SUSD1: variants seen among roughly 807,000 people sequenced by gnomAD.
SUSD1 encodes the protein sushi domain containing 1, also known as sushi domain-containing protein 1.
Under a neutral mutation model 86.9 loss-of-function variants are expected in SUSD1, and 65 were observed. The ratio of observed to expected loss-of-function variants is 0.75; its 90% confidence interval spans 0.61 to 0.92. The LOEUF (loss-of-function observed/expected upper bound fraction) is 0.92, where lower values mean the gene tolerates loss of function less well. Ranked by LOEUF, SUSD1 falls within the 40% of genes least tolerant of loss-of-function variation. SUSD1 has a pLI of 0.00. For synonymous variants in SUSD1, 346 were observed against 350.0 expected (o/e 0.99, Z 0.13); for missense variants, 850 against 929.7 (o/e 0.91, Z 1.11).
At chr9:112,165,960 A>C (rs1049217800) in intron 1 of SUSD1, among the ~76,000 whole-genome samples, 1 of 150,994 alleles carries the variant, frequency 6.6e-6, no homozygotes, top group African/African-American at 2.4e-5. Flanking sequence ...AAAGAAAGAA[A>C]GAAAGAAAGA....
At chr9:112,060,114 A>G (rs1430960834) in intron 13 of SUSD1, among the ~76,000 whole-genome samples, 1 of 152,100 alleles carries the variant, frequency 6.6e-6, no homozygotes, top group African/African-American at 2.4e-5. Flanking sequence ...TTCACATGTC[A>G]AACGCCCTAT....
chr9:112,062,127 T>C (rs370438572), intron 13 of SUSD1, among the ~76,000 whole-genome samples: 97 of 152,288 alleles, frequency 6.4e-4, no homozygotes, highest in African/African-American at 2.3e-3. Context: ...ACTCAATACA[T>C]GAAAAGACAA....
intron 10 of SUSD1, among the ~76,000 whole-genome samples, chr9:112,092,602 T>G (rs1830246955): frequency 6.6e-6 from 1 of 152,254 alleles, no homozygotes; most frequent in Non-Finnish European, 1.5e-5. Context: ...TTTATGTCTC[T>G]GTTTTTGTTT....
chr9:112,041,956 C>G lies in SUSD1; in HGVS notation c.2154G>C (p.Ser718=). Residue 718 remains serine, a synonymous_variant, in exon 16 of 17, where the codon TCG becomes TCC. Coordinates refer to ENST00000374270, the MANE Select transcript of SUSD1 (RefSeq NM_022486.5). ...CCGCCATCTGCAGCAGCATGAGTGA[C>G]GAATCTGTGGGACAAAACCACAGGC... is the stretch of plus-strand genomic sequence containing the variant. ...SCAVWAQVKD[S]SLMLLQMAGV... 1 of 1,613,788 alleles carries G rather than the reference C, an allele frequency of 6.2e-7. No individual in the cohort carries two copies.
chr9:112,068,802 T>A lies in SUSD1; in HGVS notation c.1754-5769A>T, dbSNP rs141196087. ...AGAAAAAGGGCAAAAATACAGGTTG[T>A]CCAATAATCCAGGTCGGAAGTGCTC... is the stretch of plus-strand genomic sequence containing the variant. On this transcript the variant is annotated intron_variant, in intron 12 of 16. Coordinates refer to ENST00000374270, the MANE Select transcript of SUSD1 (RefSeq NM_022486.5). Among the ~76,000 whole-genome samples the A allele has an allele frequency of 8.3e-3, 1,269 of 152,112 alleles. 45 individuals carry two copies. Among genetic ancestry groups the A allele is most frequent in the East Asian group, 0.015 (79 of 5,182 alleles).
chr9:112,113,013 G>A lies in SUSD1; in HGVS notation c.887-145C>T. On this transcript the variant is annotated intron_variant, in intron 6 of 16. Transcript: ENST00000374270. This position sits in a 1 kb window ranked among gnomAD's most constrained non-coding sequence, Gnocchi z 4.1. ...GCAGACACTGAGTCAGGCAATGCAA[G>A]CTCTCCCAAGCCAATCACCCAACTT... 1 of 610,112 alleles carries A rather than the reference G, an allele frequency of 1.6e-6. No individual in the cohort carries two copies. The highest frequency in any genetic ancestry group is 3.0e-6 in the Non-Finnish European group (1 of 338,952). The allele number at this position is 610,112 out of a possible 1,614,324, so 37.8% of individuals were successfully genotyped here. A position where few individuals can be genotyped will look rare whatever the true frequency, so the allele number is the denominator to read the frequency against.
At chr9:112,115,521 G>A (rs1436004504) in intron 6 of SUSD1, among the ~76,000 whole-genome samples, 1 of 151,890 alleles carries the variant, frequency 6.6e-6, no homozygotes, top group African/African-American at 2.4e-5. Flanking sequence ...TCCAATTGTG[G>A]GCCAAGTGGG....
At chr9:112,162,222 T>C (rs1833602538) in intron 1 of SUSD1, among the ~76,000 whole-genome samples, 1 of 152,228 alleles carries the variant, frequency 6.6e-6, no homozygotes, top group Admixed American at 6.5e-5. Context: ...TAATATATGG[T>C]ACACAATCTG....
rs1564274291 is a variant in SUSD1, at chr9:112,078,570, G to A, written c.1721C>T (p.Pro574Leu). The change falls in exon 12 of 17, where the codon CCT (proline) becomes CTT (leucine). Residue 574 changes from proline to leucine, a missense_variant. Coordinates refer to ENST00000374270, the MANE Select transcript of SUSD1 (RefSeq NM_022486.5). The part of the protein sequence containing the change: ...VSLRALSSEL[P>L]VVISLTTQIT... ...CTGGGTTGTCAGGGAGATGACCACA[G>A]GAAGTTCCGAAGACAGAGCCCGGAG... 1 of 1,613,250 alleles carries A rather than the reference G, an allele frequency of 6.2e-7. No homozygotes were observed. Among genetic ancestry groups the A allele is most frequent in the Admixed American group, 1.7e-5 (1 of 59,982 alleles).
chr9:112,093,014 T>A lies in SUSD1; in HGVS notation c.1474+5456A>T, dbSNP rs1396302350. Among the ~76,000 whole-genome samples, 6 of 152,246 alleles carry A rather than the reference T, an allele frequency of 3.9e-5. No individual in the cohort carries two copies. In the East Asian group the frequency reaches 1.2e-3, roughly 29 times the overall value. ...AAATTTTTCCTTCAAAACAAATGAATTTGAAGGAACCTAAAAGTAATTTAA... is the reference window on the plus strand; with the variant it reads ...AAATTTTTCCTTCAAAACAAATGAAATTGAAGGAACCTAAAAGTAATTTAA... On this transcript the variant is annotated intron_variant, in intron 10 of 16. Transcript: ENST00000374270.
At position 112,054,493 on chromosome 9, in the gene SUSD1, A is replaced by G. The variant is rs145552505; in HGVS notation, c.2110-2055T>C. 7.8e-3 allele frequency among the ~76,000 whole-genome samples: 1,180 copies of G among 152,230 alleles called. 4 individuals carry two copies. The highest frequency in any genetic ancestry group is 0.027 in the Middle Eastern group (8 of 294). On this transcript the variant is annotated intron_variant, in intron 14 of 16. Coordinates refer to ENST00000374270, the MANE Select transcript of SUSD1 (RefSeq NM_022486.5). ...TCCCAGCTACTTGAGAGGCTGAGGC[A>G]GGAGGATCACCTGAGCCCAGGAGGT...
chr9:112,144,214 G>C, intron 3 of SUSD1, among the ~76,000 whole-genome samples: 1 of 151,786 alleles, frequency 6.6e-6, no homozygotes, highest in East Asian at 1.9e-4. Flanking sequence ...CACTCAGCCT[G>C]GGTGACAGAG....
chr9:112,108,443 C>T (rs1004792301), intron 8 of SUSD1, among the ~76,000 whole-genome samples: 4 of 151,378 alleles, frequency 2.6e-5, no homozygotes, highest in Non-Finnish European at 4.4e-5. Context: ...GGCTGTGCAC[C>T]GTGACTCAAG....
intron 1 of SUSD1, among the ~76,000 whole-genome samples, chr9:112,167,258 A>G (rs964911009): frequency 1.3e-5 from 2 of 152,030 alleles, no homozygotes; most frequent in African/African-American, 4.8e-5. Flanking sequence ...CACCATGCCC[A>G]GATAATTTTT....
intron 10 of SUSD1, among the ~76,000 whole-genome samples, chr9:112,097,558 C>T (rs1564290893): frequency 6.6e-6 from 1 of 151,724 alleles, no homozygotes; most frequent in South Asian, 2.1e-4. Context: ...CCACCATGCC[C>T]AGCTAATTTT....
At chr9:112,085,933 AAAAAT>A (rs555274296) in intron 10 of SUSD1, among the ~76,000 whole-genome samples, 174 of 152,274 alleles carry the variant, frequency 1.1e-3, no homozygotes, top group African/African-American at 3.9e-3. Context: ...ACCCTGTCTC[AAAAAT>A]AAAATAAAAT....
chr9:112,063,105 G>A (rs909832777), intron 12 of SUSD1, 72 bp from the exon 13 acceptor site: 14 of 908,500 alleles, frequency 1.5e-5, no homozygotes, highest in Middle Eastern at 2.2e-4. Context: ...AGAGGTCCTC[G>A]TGAGGGCTAT....
At chr9:112,066,144 A>T (rs1828969458) in intron 12 of SUSD1, among the ~76,000 whole-genome samples, 1 of 152,212 alleles carries the variant, frequency 6.6e-6, no homozygotes, top group Non-Finnish European at 1.5e-5. Flanking sequence ...CCAGGCCATG[A>T]CAATGCTTGC....
intron 1 of SUSD1, among the ~76,000 whole-genome samples, chr9:112,161,673 T>A (rs1833576324): frequency 6.6e-6 from 1 of 151,856 alleles, no homozygotes; most frequent in Non-Finnish European, 1.5e-5. Context: ...AATACAAAAA[T>A]TAGCCAGGTT....
Sources: allele counts gnomAD v4.1 joint callset (sites outside exome capture counted in the v4.1 genomes callset), GRCh38; gene constraint gnomAD v4.1.1; non-coding constraint Gnocchi (gnomAD v3.1); transcripts MANE v1.5; gene names NCBI Gene and HGNC (gene_info 2026-07-23, HGNC 2026-07-21).